The following PRMT3 variants were observed in gnomAD, a reference collection of about 807,000 sequenced individuals.
The protein encoded by PRMT3 is protein arginine methyltransferase 3, also known as protein arginine N-methyltransferase 3.
A neutral mutation model predicts 71.9 loss-of-function variants in PRMT3; 62 were observed. That is an observed-to-expected ratio of 0.86 (90% CI 0.70 to 1.07). PRMT3 has a LOEUF of 1.07. Ranked by LOEUF, PRMT3 falls within the 50% of genes least tolerant of loss-of-function variation. The pLI is 0.00. For missense variants in PRMT3, 663 were observed against 643.0 expected (o/e 1.03, Z -0.34); for synonymous variants, 213 against 220.4 (o/e 0.97, Z 0.30).
At chr11:20,494,950 C>T (rs1254276262) in intron 15 of PRMT3, among the ~76,000 whole-genome samples, 1 of 152,108 alleles carries the variant, frequency 6.6e-6, no homozygotes, top group Non-Finnish European at 1.5e-5. Flanking sequence ...TTATTGTAGG[C>T]CAGGCACAGT....
intron 15 of PRMT3, among the ~76,000 whole-genome samples, chr11:20,508,058 C>T (rs537282482): frequency 6.7e-5 from 10 of 150,062 alleles, no homozygotes; most frequent in African/African-American, 2.0e-4. Flanking sequence ...GTGAGCCAAG[C>T]TTGCACCAGT....
chr11:20,479,645 T>TTGTG (rs1850882214), intron 13 of PRMT3, among the ~76,000 whole-genome samples: 1 of 152,158 alleles, frequency 6.6e-6, no homozygotes, highest in Non-Finnish European at 1.5e-5. Flanking sequence ...GGTTCTCTAA[T>TTGTG]TGTGTATGTT....
At chr11:20,435,259 T>C (rs1049224121) in intron 10 of PRMT3, among the ~76,000 whole-genome samples, 1 of 152,180 alleles carries the variant, frequency 6.6e-6, no homozygotes, top group African/African-American at 2.4e-5. Flanking sequence ...TGGAGTGCAG[T>C]GGCACCATCT....
intron 12 of PRMT3, 77 bp from the exon 13 acceptor site, chr11:20,464,383 G>A (rs576623377): frequency 8.9e-5 from 132 of 1,477,530 alleles, no homozygotes; most frequent in Non-Finnish European, 1.1e-4. Flanking sequence ...TGTCTGGGTT[G>A]TTTTTGTTTT....
intron 7 of PRMT3, among the ~76,000 whole-genome samples, chr11:20,401,611 G>T (rs1288002253): frequency 1.3e-5 from 2 of 151,810 alleles, no homozygotes; most frequent in African/African-American, 4.8e-5. Context: ...TGATATTGTA[G>T]CAATTGGTGT....
At chr11:20,401,098 T>G (rs1436187496) in intron 7 of PRMT3, among the ~76,000 whole-genome samples, 2 of 152,152 alleles carry the variant, frequency 1.3e-5, no homozygotes, top group Non-Finnish European at 2.9e-5. Context: ...ATTTATATAT[T>G]GTAAGAGCCA....
intron 10 of PRMT3, among the ~76,000 whole-genome samples, chr11:20,440,929 A>G (rs1200891479): frequency 6.6e-6 from 1 of 152,124 alleles, no homozygotes; most frequent in Non-Finnish European, 1.5e-5. Flanking sequence ...TAATTTATCA[A>G]TTATTTTTAT....
intron 8 of PRMT3, among the ~76,000 whole-genome samples, chr11:20,405,285 T>C (rs1849045124): frequency 6.6e-6 from 1 of 152,174 alleles, no homozygotes; most frequent in Non-Finnish European, 1.5e-5. Flanking sequence ...GCCTTCTTTA[T>C]GCTTGTGATT....
intron 8 of PRMT3, among the ~76,000 whole-genome samples, chr11:20,404,232 T>TGTTTTGTTTTG (rs750981916): frequency 3.6e-5 from 4 of 112,132 alleles, no homozygotes; most frequent in African/African-American, 7.1e-5. Context: ...TTTTTTTTTT[T>TGTTTTGTTTTG]TTTTTTTTTT....
chr11:20,416,784 G>A (rs1054972494), intron 9 of PRMT3, among the ~76,000 whole-genome samples: 6 of 152,138 alleles, frequency 3.9e-5, no homozygotes, highest in Admixed American at 6.6e-5. Context: ...AGAATAGCCC[G>A]TTATGGTTCC....
intron 3 of PRMT3, among the ~76,000 whole-genome samples, chr11:20,391,671 T>C (rs1021018636): frequency 4.6e-5 from 7 of 152,216 alleles, no homozygotes; most frequent in African/African-American, 1.7e-4. Flanking sequence ...AACAAGAGTT[T>C]TATGACAAAT....
At chr11:20,408,127 A>G in intron 9 of PRMT3, 95 bp downstream of exon 9, 1 of 861,022 alleles carries the variant, frequency 1.2e-6, no homozygotes, top group South Asian at 2.7e-5. Flanking sequence ...AAGGCAGACT[A>G]AAGACATTTG....
intron 10 of PRMT3, among the ~76,000 whole-genome samples, chr11:20,432,140 G>C (rs1849667558): frequency 6.6e-6 from 1 of 152,000 alleles, no homozygotes; most frequent in South Asian, 2.1e-4. Context: ...TCTTCGATAA[G>C]TGACAAAGTA....
intron 13 of PRMT3, among the ~76,000 whole-genome samples, chr11:20,492,753 A>G (rs1019682913): frequency 6.6e-6 from 1 of 152,174 alleles, no homozygotes; most frequent in Admixed American, 6.5e-5. Flanking sequence ...TGAGTATGTT[A>G]ATTTCTTTAA....
intron 3 of PRMT3, 73 bp from the exon 4 acceptor site, chr11:20,392,138 G>T: frequency 7.2e-7 from 1 of 1,393,208 alleles, no homozygotes; most frequent in Non-Finnish European, 9.8e-7. Context: ...AATCAGAGAA[G>T]GCTTTATAGA....
chr11:20,493,084 T>C (rs760088993), intron 13 of PRMT3, among the ~76,000 whole-genome samples: 22 of 151,670 alleles, frequency 1.5e-4, no homozygotes, highest in Non-Finnish European at 3.2e-4. Flanking sequence ...GAGGCGGAGG[T>C]TGCAATGAGC....
At chr11:20,483,251 C>T (rs1175990605) in intron 13 of PRMT3, among the ~76,000 whole-genome samples, 2 of 151,956 alleles carry the variant, frequency 1.3e-5, no homozygotes. Flanking sequence ...TTTTATGCTG[C>T]GTTGATTTGT....
At chr11:20,440,356 T>TA (rs1415821565) in intron 10 of PRMT3, among the ~76,000 whole-genome samples, 1 of 151,902 alleles carries the variant, frequency 6.6e-6, no homozygotes, top group Non-Finnish European at 1.5e-5. Context: ...TGCTGACTCT[T>TA]AAAAAGAGGC....
intron 13 of PRMT3, among the ~76,000 whole-genome samples, chr11:20,474,664 T>C (rs1440562351): frequency 6.6e-6 from 1 of 152,252 alleles, no homozygotes; most frequent in Non-Finnish European, 1.5e-5. Context: ...CACTCACTGC[T>C]TCCCTTAGCT....
Sources: gnomAD v4.1 joint callset for allele counts (sites outside exome capture counted in the v4.1 genomes callset) on GRCh38, gnomAD v4.1.1 for gene constraint, MANE v1.5 for transcripts, NCBI Gene and HGNC (gene_info 2026-07-23, HGNC 2026-07-21) for gene names.